The following GADL1 variants were observed in gnomAD, a reference collection of about 807,000 sequenced individuals.
GADL1 encodes the protein GAD like acidic amino acid decarboxylase 1.
A neutral mutation model predicts 69.5 loss-of-function variants in GADL1; 71 were observed. The ratio of observed to expected loss-of-function variants is 1.02; its 90% CI spans 0.84 to 1.25. The LOEUF is 1.25. Among genes scored for constraint, GADL1 ranks in the 50% most tolerant of loss-of-function variants. GADL1 has a pLI of 0.00. For missense variants in GADL1, 737 were observed against 631.8 expected, an observed-to-expected ratio of 1.17 and a Z score of -1.79; for synonymous variants, 254 against 214.4, an observed-to-expected ratio of 1.18 and a Z score of -1.62.
intron 14 of GADL1, among the ~76,000 whole-genome samples, chr3:30,762,208 T>C (rs888952078): frequency 6.6e-6 from 1 of 151,766 alleles, no homozygotes; most frequent in Non-Finnish European, 1.5e-5. Flanking sequence ...GAAGAGGGGC[T>C]TGGGGTAGTG....
intron 14 of GADL1, among the ~76,000 whole-genome samples, chr3:30,730,764 A>C (rs1189207069): frequency 6.6e-6 from 1 of 152,160 alleles, no homozygotes; most frequent in African/African-American, 2.4e-5. Context: ...TATTTTCTAG[A>C]ATTATTTGCT....
At position 30,870,684 on chromosome 3, in the gene GADL1, G is replaced by A. The variant is rs558114268; in HGVS notation, c.38-8919C>T. ...TGTAGAAGTCCAGGCAGTAGACAAT[G>A]GGAACTTTGGTCTGGATGGTGGCAG... On this transcript the variant is annotated intron_variant, in intron 1 of 14. Transcript: ENST00000282538. Among the ~76,000 whole-genome samples, 118 of 151,830 alleles carry A rather than the reference G, an allele frequency of 7.8e-4. 4 individuals are homozygous for A. Among genetic ancestry groups the A allele is most frequent in the African/African-American group, 2.6e-3 (109 of 41,320 alleles).
rs1696681131 is a variant in GADL1, at chr3:30,782,236, A to C, written c.1303-3968T>G. On this transcript the variant is annotated intron_variant, in intron 13 of 14. Transcript: ENST00000282538. ...TATAGGAAATAGATCTCATCTTTGA[A>C]AAGCTGCTCTAGCAGCAGTGTGGCA... is the stretch of plus-strand genomic sequence containing the variant. Among the ~76,000 whole-genome samples, 4 of 152,310 alleles carry C rather than the reference A, an allele frequency of 2.6e-5. No individual in the cohort carries two copies. In the South Asian group the frequency reaches 8.3e-4, roughly 32 times the overall value.
chr3:30,754,858 T>G (rs1382464709), intron 14 of GADL1, among the ~76,000 whole-genome samples: 12 of 121,966 alleles, frequency 9.8e-5, no homozygotes, highest in African/African-American at 4.1e-4. Context: ...TGCAGGGCAC[T>G]GATTTTTTTT....
At chr3:30,883,190 G>A (rs1451771509) in intron 1 of GADL1, among the ~76,000 whole-genome samples, 1 of 151,880 alleles carries the variant, frequency 6.6e-6, no homozygotes, top group Non-Finnish European at 1.5e-5. Flanking sequence ...TTTGTTGCCT[G>A]TGCTTTGGTG....
intron 8 of GADL1, among the ~76,000 whole-genome samples, chr3:30,842,942 T>C (rs561239104): frequency 1.3e-5 from 2 of 150,608 alleles, no homozygotes; most frequent in South Asian, 4.2e-4. Flanking sequence ...TCTCCAGGAC[T>C]AGGTAGTTTT....
chr3:30,755,521 G>A (rs548875918), intron 14 of GADL1, among the ~76,000 whole-genome samples: 1 of 152,238 alleles, frequency 6.6e-6, no homozygotes, highest in African/African-American at 2.4e-5. Context: ...GGAATTTCTT[G>A]GGCCTGTCCT....
intron 14 of GADL1, among the ~76,000 whole-genome samples, chr3:30,742,678 T>C (rs1432017822): frequency 6.6e-6 from 1 of 152,096 alleles, no homozygotes; most frequent in East Asian, 1.9e-4. Context: ...ACGTTCCTAA[T>C]TTGTTACTGA....
Position 30,728,375 on chromosome 3 carries a change from C to T in GADL1, c.1433G>A (p.Ser478Asn). 1.2e-6 allele frequency: 2 copies of T among 1,613,830 alleles called. No individual in the cohort carries two copies. Among genetic ancestry groups the T allele is most frequent in the Non-Finnish European group, 8.5e-7 (1 of 1,179,826 alleles). The change falls in exon 15 of 15, where the codon AGC (serine) becomes AAC (asparagine). Residue 478 changes from serine to asparagine, a missense_variant. Physicochemically the swap from Ser to Asn is conservative, Grantham distance 46 (BLOSUM62 1). Coordinates refer to ENST00000282538, the MANE Select transcript of GADL1 (RefSeq NM_207359.3). ...AIKERMMKKG[S>N]LMLGYQPHRG... ...GTGCGGCTGGTAGCCCAGCATCAAGCTTCCCTTCTTCATCATCCTCTCCTT... is the reference window on the plus strand; with the variant it reads ...GTGCGGCTGGTAGCCCAGCATCAAGTTTCCCTTCTTCATCATCCTCTCCTT...
rs1243600823 is a variant in GADL1 at position 30,778,074 on chromosome 3, T to A, written c.1392+105A>T. On this transcript the variant is annotated intron_variant, in intron 14 of 14. Transcript: ENST00000282538. The stretch of plus-strand genomic sequence containing the variant: ...TTTAACAAACTAGAAGACACTTCTC[T>A]AGATAATTCTGTGCTTGCTAGGCCC... The A allele has an allele frequency of 5.9e-6, 4 of 672,662 alleles. No homozygotes were observed. In the East Asian group the frequency reaches 1.0e-4, roughly 17 times the overall value. The allele number at this position is 672,662 out of a possible 1,614,324, so 41.7% of individuals were successfully genotyped here. A position where few individuals can be genotyped will look rare whatever the true frequency, so the allele number is the denominator to read the frequency against.
At chr3:30,813,854 C>A (rs1559507134) in intron 11 of GADL1, among the ~76,000 whole-genome samples, 1 of 152,202 alleles carries the variant, frequency 6.6e-6, no homozygotes, top group African/African-American at 2.4e-5. Flanking sequence ...TTGGCAGAAT[C>A]TTTGGATAGA....
At chr3:30,748,292 T>C (rs1376807227) in intron 14 of GADL1, among the ~76,000 whole-genome samples, 1 of 152,166 alleles carries the variant, frequency 6.6e-6, no homozygotes, top group Non-Finnish European at 1.5e-5. Context: ...TTTTAAATGG[T>C]TCTGAAATGA....
chr3:30,804,768 T>C (rs1698316001), intron 11 of GADL1, among the ~76,000 whole-genome samples: 1 of 152,240 alleles, frequency 6.6e-6, no homozygotes, highest in South Asian at 2.1e-4. Flanking sequence ...ATTGCAGTAG[T>C]TCCTGAACAA....
At chr3:30,891,230 C>A (rs1698781822) in intron 1 of GADL1, among the ~76,000 whole-genome samples, 1 of 152,122 alleles carries the variant, frequency 6.6e-6, no homozygotes, top group Admixed American at 6.5e-5. Flanking sequence ...CCTTTTCCCT[C>A]AGAGCCAAGC....
At chr3:30,842,378 T>C (rs1402940264) in intron 8 of GADL1, among the ~76,000 whole-genome samples, 2 of 152,178 alleles carry the variant, frequency 1.3e-5, no homozygotes, top group African/African-American at 4.8e-5. Flanking sequence ...TATGAGGGTA[T>C]GTGGTACAGA....
At chr3:30,763,476 T>A (rs948315248) in intron 14 of GADL1, among the ~76,000 whole-genome samples, 24 of 107,444 alleles carry the variant, frequency 2.2e-4, no homozygotes, top group Non-Finnish European at 5.1e-5. Context: ...CACTCCAGCC[T>A]GGGCGACAGA....
chr3:30,743,072 AT>A (rs1695650355), intron 14 of GADL1, among the ~76,000 whole-genome samples: 1 of 151,868 alleles, frequency 6.6e-6, no homozygotes, highest in Non-Finnish European at 1.5e-5. Flanking sequence ...TGCTACATAA[AT>A]TTTTTTCAAC....
intron 2 of GADL1, among the ~76,000 whole-genome samples, chr3:30,857,417 G>A (rs1408062403): frequency 6.6e-6 from 1 of 151,904 alleles, no homozygotes; most frequent in Non-Finnish European, 1.5e-5. Context: ...CAAAGTTTAG[G>A]GAGGTTCTAG....
At chr3:30,844,510 T>C (rs372206246) in intron 6 of GADL1, 44 bp from the exon 7 acceptor site, 3 of 1,258,548 alleles carry the variant, frequency 2.4e-6, no homozygotes, top group Admixed American at 1.7e-5. Context: ...CATGAAAACA[T>C]AGCACAAAAA....
Sources: gnomAD v4.1 joint callset for allele counts (sites outside exome capture counted in the v4.1 genomes callset) on GRCh38, gnomAD v4.1.1 for gene constraint, MANE v1.5 for transcripts, NCBI Gene and HGNC (gene_info 2026-07-23, HGNC 2026-07-21) for gene names.